Variants in FNDC3B observed in about 807,000 individuals in gnomAD.
The protein encoded by FNDC3B is fibronectin type III domain containing 3B.
FNDC3B carries 12 observed loss-of-function variants against 151.5 expected under a neutral mutation model. The ratio of observed to expected loss-of-function variants is 0.08; its 90% confidence interval spans 0.05 to 0.13. The LOEUF is 0.13. FNDC3B is among the 10% of genes least tolerant of loss of function. The pLI, the probability that FNDC3B is intolerant of heterozygous loss-of-function variation, is 1.00. For missense variants in FNDC3B, 1,214 were observed against 1,505.3 expected (o/e 0.81, Z 3.20); for synonymous variants, 528 against 549.0 (o/e 0.96, Z 0.54).
chr3:172,328,852 G>A (rs2108283791), intron 11 of FNDC3B, 100 bp from the exon 12 acceptor site: 1 of 873,804 alleles, frequency 1.1e-6, no homozygotes, highest in Non-Finnish European at 1.7e-6. Flanking sequence ...AGGAAATTAA[G>A]CAGTTATTCA....
intron 1 of FNDC3B, among the ~76,000 whole-genome samples, chr3:172,072,345 T>G (rs928424269): frequency 6.6e-6 from 1 of 151,854 alleles, no homozygotes; most frequent in Non-Finnish European, 1.5e-5. Flanking sequence ...TTGCGTTTCC[T>G]GGGGTAATGA....
intron 20 of FNDC3B, 97 bp downstream of exon 20, chr3:172,346,537 T>C: frequency 1.6e-6 from 1 of 621,718 alleles, no homozygotes; most frequent in Non-Finnish European, 2.7e-6. Flanking sequence ...AAAATGCACA[T>C]ATAGATGATT....
At chr3:172,099,329 A>G (rs1719257048) in intron 1 of FNDC3B, among the ~76,000 whole-genome samples, 1 of 152,184 alleles carries the variant, frequency 6.6e-6, no homozygotes. Flanking sequence ...AAAGACATAA[A>G]TAAATGAATG....
chr3:172,163,412 C>G (rs1256135442), intron 3 of FNDC3B, among the ~76,000 whole-genome samples: 1 of 152,002 alleles, frequency 6.6e-6, no homozygotes, highest in African/African-American at 2.4e-5. Flanking sequence ...CATTAATAAT[C>G]ATTAACAAAT....
chr3:172,067,811 T>C (rs1218986607), intron 1 of FNDC3B, among the ~76,000 whole-genome samples: 1 of 152,222 alleles, frequency 6.6e-6, no homozygotes. Flanking sequence ...GGAAACCAGT[T>C]TGTTTCTCTG....
At chr3:172,392,567 A>G (rs547932729) in intron 25 of FNDC3B, among the ~76,000 whole-genome samples, 1 of 151,846 alleles carries the variant, frequency 6.6e-6, no homozygotes, top group Non-Finnish European at 1.5e-5. Context: ...ATTCATGTCC[A>G]GTGCACTTGT....
At chr3:172,393,247 T>C (rs916341706) in intron 25 of FNDC3B, among the ~76,000 whole-genome samples, 4 of 152,162 alleles carry the variant, frequency 2.6e-5, no homozygotes, top group Non-Finnish European at 5.9e-5. Context: ...GCTAAACTTA[T>C]ATCAGACAAA....
At chr3:172,346,772 C>T (rs551337549) in intron 20 of FNDC3B, among the ~76,000 whole-genome samples, 14 of 152,162 alleles carry the variant, frequency 9.2e-5, no homozygotes, top group South Asian at 4.1e-4. Flanking sequence ...GGCACAATCT[C>T]GGCTCACTGC....
intron 3 of FNDC3B, among the ~76,000 whole-genome samples, chr3:172,223,357 A>G (rs1485688012): frequency 6.6e-6 from 1 of 152,206 alleles, no homozygotes; most frequent in African/African-American, 2.4e-5. Flanking sequence ...GGAGTTTTGG[A>G]AACTATTAGT....
At chr3:172,076,019 T>C (rs1197243558) in intron 1 of FNDC3B, among the ~76,000 whole-genome samples, 3 of 152,174 alleles carry the variant, frequency 2.0e-5, no homozygotes, top group Non-Finnish European at 2.9e-5. Flanking sequence ...TGTTTGCCTT[T>C]AGTCCTCTTT....
chr3:172,186,201 C>G (rs1043739112), intron 3 of FNDC3B, among the ~76,000 whole-genome samples: 1 of 152,178 alleles, frequency 6.6e-6, no homozygotes, highest in South Asian at 2.1e-4. Flanking sequence ...TTATGATGCT[C>G]TGCCTACTAT....
chr3:172,175,151 GTC>G (rs139650604), intron 3 of FNDC3B, among the ~76,000 whole-genome samples: 3,040 of 151,966 alleles, frequency 0.02, 103 homozygotes, highest in African/African-American at 0.07. Context: ...CCTTGCCGTT[GTC>G]TCTCTCAGTC....
At chr3:172,316,452 T>G (rs1424766610) in intron 11 of FNDC3B, 2 of 456,228 alleles carry the variant, frequency 4.4e-6, no homozygotes, top group South Asian at 3.1e-5. Context: ...GGTTGAGTCA[T>G]TCATAAATGT....
chr3:172,386,759 G>GAAAAAAAA (rs1233563821), intron 25 of FNDC3B, among the ~76,000 whole-genome samples: 4 of 106,424 alleles, frequency 3.8e-5, no homozygotes, highest in African/African-American at 6.5e-5. Flanking sequence ...AAAAAAAAAA[G>GAAAAAAAA]AAAAAAAAAA....
intron 4 of FNDC3B, chr3:172,237,664 T>G (rs1727237825): frequency 6.6e-6 from 1 of 152,224 alleles, no homozygotes; most frequent in Admixed American, 6.5e-5. Flanking sequence ...ATGAGAGTGC[T>G]CATAAAAACT....
intron 2 of FNDC3B, among the ~76,000 whole-genome samples, chr3:172,119,681 G>A (rs1324492947): frequency 2.0e-5 from 3 of 152,294 alleles, no homozygotes; most frequent in Middle Eastern, 3.4e-3. Flanking sequence ...GCTATTAGGG[G>A]CACTACAAAC....
At chr3:172,206,563 G>A (rs1455458101) in intron 3 of FNDC3B, among the ~76,000 whole-genome samples, 2 of 149,074 alleles carry the variant, frequency 1.3e-5, no homozygotes, top group Non-Finnish European at 3.0e-5. Context: ...GGAAGCTGAG[G>A]CATGAGAATC....
At chr3:172,320,557 C>G (rs1423273059) in intron 11 of FNDC3B, among the ~76,000 whole-genome samples, 1 of 152,168 alleles carries the variant, frequency 6.6e-6, no homozygotes, top group African/African-American at 2.4e-5. Context: ...TAAAGAGGAA[C>G]AGGAAGTATC....
At chr3:172,150,385 T>C (rs1485136276) in intron 3 of FNDC3B, among the ~76,000 whole-genome samples, 3 of 152,096 alleles carry the variant, frequency 2.0e-5, no homozygotes, top group Non-Finnish European at 2.9e-5. Flanking sequence ...AGTGGTACCT[T>C]TTCATTTTAG....
Sources: gnomAD v4.1 joint callset for allele counts (sites outside exome capture counted in the v4.1 genomes callset) on GRCh38, gnomAD v4.1.1 for gene constraint, MANE v1.5 for transcripts, NCBI Gene and HGNC (gene_info 2026-07-23, HGNC 2026-07-21) for gene names.